The following GAS7 variants were observed in gnomAD, a reference collection of about 807,000 sequenced individuals.
The protein encoded by GAS7 is growth arrest specific 7, also known as growth arrest-specific protein 7.
Under a neutral mutation model 71.1 loss-of-function variants are expected in GAS7, and 28 were observed. The ratio of observed to expected loss-of-function variants is 0.39; its 90% CI spans 0.29 to 0.54. The LOEUF (loss-of-function observed/expected upper bound fraction) is 0.54, where lower values mean the gene tolerates loss of function less well. GAS7 is among the 20% of genes least tolerant of loss of function. GAS7 has a pLI of 0.62. For synonymous variants in GAS7, 258 were observed against 245.8 expected, an observed-to-expected ratio of 1.05 and a Z score of -0.46; for missense variants, 436 against 627.8, an observed-to-expected ratio of 0.69 and a Z score of 3.27.
chr17:10,027,852 G>A lies in GAS7; in HGVS notation c.184-7955C>T, dbSNP rs7211409. 3.9e-3 allele frequency among the ~76,000 whole-genome samples: 594 copies of A among 152,206 alleles called. 2 individuals carry two copies. The highest frequency in any genetic ancestry group is 0.013 in the African/African-American group (560 of 41,546). ...CTGGACAACATAGTGAGACCCCACC[G>A]CCCCTCCATCTCTCCAAAAATAAAG... On this transcript the variant is annotated intron_variant, in intron 1 of 13. Transcript: ENST00000432992.
chr17:10,122,095 G>A (rs1333874251), intron 1 of GAS7, among the ~76,000 whole-genome samples: 1 of 152,152 alleles, frequency 6.6e-6, no homozygotes, highest in Non-Finnish European at 1.5e-5. Flanking sequence ...TCATCAACGA[G>A]ATGTAAACAG....
chr17:10,043,116 G>A (rs1012309969), intron 1 of GAS7, among the ~76,000 whole-genome samples: 1 of 152,054 alleles, frequency 6.6e-6, no homozygotes, highest in Non-Finnish European at 1.5e-5. Flanking sequence ...CTGAACCTTG[G>A]GGCATGCTCT....
intron 6 of GAS7, 67 bp from the exon 7 acceptor site, chr17:9,943,303 A>AGAGG: frequency 1.1e-6 from 1 of 936,240 alleles, no homozygotes; most frequent in South Asian, 1.3e-5. Context: ...AGAATGGCGT[A>AGAGG]GAGGGAGGAC....
intron 9 of GAS7, among the ~76,000 whole-genome samples, chr17:9,932,590 C>G (rs2068248394): frequency 6.6e-6 from 1 of 152,128 alleles, no homozygotes; most frequent in Admixed American, 6.5e-5. Flanking sequence ...TATTTTTCAT[C>G]TAAAAATTAG....
At chr17:10,095,056 C>T (rs2073627000) in intron 1 of GAS7, among the ~76,000 whole-genome samples, 2 of 152,102 alleles carry the variant, frequency 1.3e-5, no homozygotes, top group Admixed American at 6.6e-5. Flanking sequence ...AACCAGATGG[C>T]CTAGGTTCAA....
intron 1 of GAS7, among the ~76,000 whole-genome samples, chr17:10,054,092 A>C (rs2073101581): frequency 6.6e-6 from 1 of 151,962 alleles, no homozygotes; most frequent in Non-Finnish European, 1.5e-5. Context: ...TTCTAAATCG[A>C]CCTCTGGACC....
Position 10,094,469 on chromosome 17 carries a change from C to CT in GAS7, c.184-74573dup, listed in dbSNP as rs1057378321. On this transcript the variant is annotated intron_variant, in intron 1 of 13. Transcript: ENST00000432992. ...TCTCTGGATATTTCTTTTTCTTTTTCTTTTTTTTCTTTTTTTTGAGACAGA... is the reference window on the plus strand; with the variant it reads ...TCTCTGGATATTTCTTTTTCTTTTTCTTTTTTTTTCTTTTTTTTGAGACAGA... Among the ~76,000 whole-genome samples, 10 of 151,938 alleles carry CT rather than the reference C, an allele frequency of 6.6e-5. No homozygotes were observed. The East Asian group carries it at 1.2e-3, about 18-fold the overall frequency.
intron 1 of GAS7, among the ~76,000 whole-genome samples, chr17:10,089,341 C>G (rs1335331830): frequency 6.6e-6 from 1 of 152,088 alleles, no homozygotes; most frequent in Non-Finnish European, 1.5e-5. Flanking sequence ...GCACAAAATG[C>G]AAGCCCGCAA....
intron 2 of GAS7, among the ~76,000 whole-genome samples, chr17:9,991,930 A>C (rs1472209061): frequency 6.6e-6 from 1 of 152,120 alleles, no homozygotes; most frequent in East Asian, 1.9e-4. Flanking sequence ...ACCTAAGCAC[A>C]GGTGTTTGGC....
At chr17:9,947,133 A>C (rs1159112875) in intron 5 of GAS7, 150 bp from the exon 6 acceptor site, 1 of 575,856 alleles carries the variant, frequency 1.7e-6, no homozygotes, top group African/African-American at 1.9e-5. Context: ...CCAGCATTTC[A>C]CATGAGCGGC....
At chr17:9,920,775 C>T (rs938659850) in intron 11 of GAS7, among the ~76,000 whole-genome samples, 1 of 152,180 alleles carries the variant, frequency 6.6e-6, no homozygotes, top group African/African-American at 2.4e-5. Flanking sequence ...TGTTTGCTCA[C>T]GATGGAAAAA....
rs115234745 is a variant in GAS7, at chr17:10,059,400, C to T, written c.184-39503G>A. 6.7e-3 allele frequency among the ~76,000 whole-genome samples: 1,017 copies of T among 152,336 alleles called. 10 individuals are homozygous for T. The highest frequency in any genetic ancestry group is 0.023 in the African/African-American group (956 of 41,574). ...GAAATCAAGAAAAACTCACTTCCCA[C>T]AGAGCTCATCTCAGATACTTCCCCT... On this transcript the variant is annotated intron_variant, in intron 1 of 13. Transcript: ENST00000432992.
At chr17:9,949,589 C>G (rs528346972) in intron 5 of GAS7, among the ~76,000 whole-genome samples, 1 of 152,092 alleles carries the variant, frequency 6.6e-6, no homozygotes, top group Non-Finnish European at 1.5e-5. Flanking sequence ...AAAGAAGGAG[C>G]CTCCTCCTCC....
intron 1 of GAS7, among the ~76,000 whole-genome samples, chr17:10,035,157 C>A (rs11869516): frequency 0.34 from 51,688 of 151,656 alleles, 9,351 homozygotes; most frequent in African/African-American, 0.47. Flanking sequence ...TTCTCTGCTA[C>A]TCCCTCCACC....
rs528524418 is a variant in GAS7, at chr17:10,157,440, C to T, written c.183+40768G>A. ...TTCCTCTGGCAGCCGTTGGTCAAAC[C>T]GCTTTATAAATCTGCTAATGATTTT... is the stretch of plus-strand genomic sequence containing the variant. On this transcript the variant is annotated intron_variant, in intron 1 of 13. Coordinates refer to ENST00000432992, the MANE Select transcript of GAS7 (RefSeq NM_201433.2). Among the ~76,000 whole-genome samples the T allele has an allele frequency of 3.3e-5, 5 of 152,280 alleles. No homozygotes were observed. In the South Asian group the frequency reaches 1.0e-3, roughly 32 times the overall value.
chr17:10,142,502 G>A (rs2074090699), intron 1 of GAS7, among the ~76,000 whole-genome samples: 1 of 152,034 alleles, frequency 6.6e-6, no homozygotes, highest in South Asian at 2.1e-4. Flanking sequence ...CCGAGTAGCT[G>A]GGACTACAGG....
intron 1 of GAS7, among the ~76,000 whole-genome samples, chr17:10,113,710 C>A (rs923219721): frequency 2.0e-5 from 3 of 152,132 alleles, no homozygotes; most frequent in Admixed American, 2.0e-4. Flanking sequence ...TGGACTACTT[C>A]TGGAAGTACC....
intron 2 of GAS7, among the ~76,000 whole-genome samples, chr17:9,997,359 G>A (rs1158783633): frequency 6.6e-6 from 1 of 152,046 alleles, no homozygotes; most frequent in African/African-American, 2.4e-5. Flanking sequence ...ATCACAAAAG[G>A]AAAAGATTGG....
intron 9 of GAS7, among the ~76,000 whole-genome samples, chr17:9,930,332 G>A (rs1358254700): frequency 6.6e-6 from 1 of 152,216 alleles, no homozygotes; most frequent in Non-Finnish European, 1.5e-5. Context: ...GATCTGGTCT[G>A]AATTCTTCAT....
Sources: allele counts gnomAD v4.1 joint callset (sites outside exome capture counted in the v4.1 genomes callset), GRCh38; gene constraint gnomAD v4.1.1; transcripts MANE v1.5; gene names NCBI Gene and HGNC (gene_info 2026-07-23, HGNC 2026-07-21).